Variants in NR1H4 observed in about 807,000 individuals in gnomAD.
NR1H4 encodes nuclear receptor subfamily 1 group H member 4, also known as bile acid receptor.
Under a neutral mutation model 58.5 loss-of-function variants are expected in NR1H4, and 23 were observed. The observed-to-expected ratio is 0.39, with a 90% confidence interval of 0.28 to 0.56. NR1H4 has a LOEUF of 0.56. Among genes scored for constraint, NR1H4 ranks in the 20% least tolerant of loss-of-function variants. The pLI is 0.58. For synonymous variants in NR1H4, 214 were observed against 198.0 expected (o/e 1.08, Z -0.68); for missense variants, 487 against 576.9 (o/e 0.84, Z 1.60).
intron 9 of NR1H4, among the ~76,000 whole-genome samples, chr12:100,558,832 G>A (rs573940529): frequency 4.7e-4 from 72 of 152,348 alleles, no homozygotes; most frequent in African/African-American, 1.6e-3. Flanking sequence ...CAGCTTAGCC[G>A]TAGCCACTGT....
At chr12:100,486,818 A>T (rs1189188227) in intron 1 of NR1H4, among the ~76,000 whole-genome samples, 1 of 152,212 alleles carries the variant, frequency 6.6e-6, no homozygotes, top group Non-Finnish European at 1.5e-5. Flanking sequence ...TGAAAAAAAA[A>T]AATCCACCTT....
chr12:100,563,205 T>C (rs1955513466), intron 10 of NR1H4, 46 bp from the exon 11 acceptor site: 1 of 1,424,970 alleles, frequency 7.0e-7, no homozygotes, highest in Non-Finnish European at 9.9e-7. Flanking sequence ...GAATTAATGC[T>C]TTTCCACTTT....
intron 8 of NR1H4, among the ~76,000 whole-genome samples, chr12:100,539,132 T>C (rs1954879878): frequency 6.6e-6 from 1 of 152,212 alleles, no homozygotes; most frequent in Non-Finnish European, 1.5e-5. Flanking sequence ...CATCTCTTAA[T>C]TCCCAGTGCC....
At chr12:100,558,379 G>T (rs1458902666) in intron 9 of NR1H4, among the ~76,000 whole-genome samples, 2 of 138,342 alleles carry the variant, frequency 1.4e-5, no homozygotes, top group Non-Finnish European at 3.1e-5. Flanking sequence ...AAAAAAAAGA[G>T]ACAGCATCTC....
rs371301231 is a variant in NR1H4, at chr12:100,563,526, C to G, written c.*37C>G. On this transcript the variant is annotated 3_prime_UTR_variant, in exon 11 of 11. Transcript: ENST00000392986. ...GGGGAGGGGTCTAGCTCCTTTTTCTCTCTCATATTAATCTGATGTATAACT... is the reference window on the plus strand; with the variant it reads ...GGGGAGGGGTCTAGCTCCTTTTTCTGTCTCATATTAATCTGATGTATAACT... 6.8e-7 allele frequency: 1 copy of G among 1,464,256 alleles called. No individual in the cohort carries two copies. Among genetic ancestry groups the G allele is most frequent in the Non-Finnish European group, 9.6e-7 (1 of 1,043,340 alleles). 90.7% of individuals were successfully genotyped at this position (1,464,256 alleles called of 1,614,324 possible).
chr12:100,556,358 T>G (rs1955323348), intron 9 of NR1H4, among the ~76,000 whole-genome samples: 1 of 151,452 alleles, frequency 6.6e-6, no homozygotes, highest in Non-Finnish European at 1.5e-5. Flanking sequence ...TCCCAGCTAC[T>G]CGGGAGACTG....
intron 4 of NR1H4, among the ~76,000 whole-genome samples, chr12:100,526,610 T>C (rs753127430): frequency 1.3e-5 from 2 of 152,206 alleles, no homozygotes; most frequent in Non-Finnish European, 2.9e-5. Context: ...ATGTTCAACT[T>C]TGAATTGGTC....
At chr12:100,559,368 G>C (rs1013783938) in intron 9 of NR1H4, among the ~76,000 whole-genome samples, 1 of 152,254 alleles carries the variant, frequency 6.6e-6, no homozygotes, top group Admixed American at 6.5e-5. Context: ...TTAGCTTGCA[G>C]GGAGGTGTGG....
At chr12:100,479,864 A>G (rs1257679575) in intron 1 of NR1H4, among the ~76,000 whole-genome samples, 4 of 151,914 alleles carry the variant, frequency 2.6e-5, no homozygotes, top group Admixed American at 1.3e-4. Context: ...GCCTGAACTT[A>G]TTTTCCCTTT....
intron 1 of NR1H4, among the ~76,000 whole-genome samples, chr12:100,485,214 T>C (rs1056525713): frequency 6.6e-6 from 1 of 152,136 alleles, no homozygotes; most frequent in Non-Finnish European, 1.5e-5. Context: ...CTACAAAGGA[T>C]AGACTGAATA....
At chr12:100,544,107 T>C (rs1045493134) in intron 9 of NR1H4, among the ~76,000 whole-genome samples, 16 of 151,578 alleles carry the variant, frequency 1.1e-4, no homozygotes, top group Non-Finnish European at 2.4e-4. Flanking sequence ...AAACAATTAG[T>C]CAGGCGTGGT....
intron 4 of NR1H4, among the ~76,000 whole-genome samples, chr12:100,523,494 A>G (rs1954479580): frequency 6.6e-6 from 1 of 152,180 alleles, no homozygotes; most frequent in Admixed American, 6.5e-5. Flanking sequence ...ATTTTATCCC[A>G]TTCTGTGGGT....
intron 4 of NR1H4, among the ~76,000 whole-genome samples, chr12:100,518,087 CT>C (rs1322112801): frequency 1.2e-4 from 18 of 152,348 alleles, no homozygotes; most frequent in Admixed American, 4.6e-4. Flanking sequence ...CCTAAAGTCA[CT>C]AACCTTGGAT....
intron 10 of NR1H4, among the ~76,000 whole-genome samples, 167 bp from the exon 11 acceptor site, chr12:100,563,084 T>C (rs1425556981): frequency 6.6e-6 from 1 of 152,254 alleles, no homozygotes; most frequent in Non-Finnish European, 1.5e-5. Flanking sequence ...GATCTCGTTA[T>C]AATTACGTGT....
intron 3 of NR1H4, among the ~76,000 whole-genome samples, chr12:100,497,197 C>G (rs1331430574): frequency 6.6e-6 from 1 of 152,054 alleles, no homozygotes; most frequent in Non-Finnish European, 1.5e-5. Context: ...AACTGCCCCT[C>G]GGCTCCCGTT....
intron 3 of NR1H4, among the ~76,000 whole-genome samples, chr12:100,501,090 C>A (rs555483571): frequency 9.2e-5 from 14 of 151,586 alleles, no homozygotes; most frequent in African/African-American, 3.4e-4. Context: ...TTTCACTCAG[C>A]AACAAGGGTT....
chr12:100,478,311 C>T (rs2136062674), intron 1 of NR1H4, among the ~76,000 whole-genome samples: 1 of 152,202 alleles, frequency 6.6e-6, no homozygotes. Context: ...GTATGTCTTT[C>T]CTAGAGAGAG....
chr12:100,501,248 A>G lies in NR1H4; in HGVS notation c.79+7846A>G, dbSNP rs116245869. Among the ~76,000 whole-genome samples, 591 of 152,136 alleles carry G rather than the reference A, an allele frequency of 3.9e-3. 7 individuals carry two copies. The highest frequency in any genetic ancestry group is 0.013 in the African/African-American group (535 of 41,498). ...TTCTGAATCATTCGTCTAGCTTCATATCCTTTGGGTAGCTTTTTCACCTAT... is the reference window on the plus strand; with the variant it reads ...TTCTGAATCATTCGTCTAGCTTCATGTCCTTTGGGTAGCTTTTTCACCTAT... On this transcript the variant is annotated intron_variant, in intron 3 of 10. Coordinates refer to ENST00000392986, the MANE Select transcript of NR1H4 (RefSeq NM_001206979.2).
chr12:100,487,508 G>C (rs1953516535), intron 1 of NR1H4, among the ~76,000 whole-genome samples: 2 of 151,978 alleles, frequency 1.3e-5, no homozygotes, highest in African/African-American at 2.4e-5. Context: ...GGTGGGGAAT[G>C]GGGGAGTCAG....
Sources: gnomAD v4.1 joint callset for allele counts (sites outside exome capture counted in the v4.1 genomes callset) on GRCh38, gnomAD v4.1.1 for gene constraint, MANE v1.5 for transcripts, NCBI Gene and HGNC (gene_info 2026-07-23, HGNC 2026-07-21) for gene names.